TMPRSS11E: variants seen among roughly 807,000 people sequenced by gnomAD.
TMPRSS11E encodes transmembrane serine protease 11E, also known as transmembrane protease serine 11E.
A neutral mutation model predicts 48.1 loss-of-function variants in TMPRSS11E; 38 were observed. That is an observed-to-expected ratio of 0.79 (90% CI 0.61 to 1.04). TMPRSS11E has a LOEUF of 1.04. Ranked by LOEUF, TMPRSS11E falls within the 50% of genes least tolerant of loss-of-function variation. TMPRSS11E has a pLI of 0.00. For missense variants in TMPRSS11E, 530 were observed against 510.8 expected (o/e 1.04, Z -0.36); for synonymous variants, 158 against 171.9 (o/e 0.92, Z 0.63).
At chr4:68,496,533 G>A (rs530319006) in intron 9 of TMPRSS11E, 110 bp from the exon 10 acceptor site, 52 of 1,106,296 alleles carry the variant, frequency 4.7e-5, no homozygotes, top group Non-Finnish European at 6.5e-5. Flanking sequence ...GCGAACACAC[G>A]GAATACTTTT....
intron 5 of TMPRSS11E, among the ~76,000 whole-genome samples, chr4:68,474,228 G>A (rs938049165): frequency 3.3e-5 from 5 of 152,140 alleles, no homozygotes. Flanking sequence ...GTTTTTAACT[G>A]TGAGTGAGTA....
At chr4:68,465,185 G>A (rs1402575818) in intron 2 of TMPRSS11E, among the ~76,000 whole-genome samples, 2 of 152,140 alleles carry the variant, frequency 1.3e-5, no homozygotes, top group Non-Finnish European at 2.9e-5. Flanking sequence ...AAGGATGGAG[G>A]AAGAGTAAAA....
intron 9 of TMPRSS11E, among the ~76,000 whole-genome samples, chr4:68,491,933 T>G (rs1301588417): frequency 6.6e-6 from 1 of 152,244 alleles, no homozygotes; most frequent in Non-Finnish European, 1.5e-5. Flanking sequence ...ACTATAGTTC[T>G]TTCCCAACTT....
At chr4:68,451,350 G>A (rs984967999) in intron 1 of TMPRSS11E, among the ~76,000 whole-genome samples, 9 of 151,824 alleles carry the variant, frequency 5.9e-5, no homozygotes, top group African/African-American at 2.2e-4. Flanking sequence ...AGAGAAGGAA[G>A]GTTTTAAGAG....
Position 68,490,997 on chromosome 4 carries a change from C to A in TMPRSS11E, c.1111-5646C>A, listed in dbSNP as rs560095393. Among the ~76,000 whole-genome samples the A allele has an allele frequency of 3.9e-5, 6 of 151,970 alleles. No homozygotes were observed. In the East Asian group the frequency reaches 1.2e-3, roughly 30 times the overall value. On this transcript the variant is annotated intron_variant, in intron 9 of 9. Coordinates refer to ENST00000305363, the MANE Select transcript of TMPRSS11E (RefSeq NM_014058.4). ...TGGTCTGAAACTCCTGATTTCAGGT[C>A]ATCCACCTGCTTCAGCCTTCCAACG...
intron 3 of TMPRSS11E, among the ~76,000 whole-genome samples, chr4:68,468,606 A>G (rs1208170804): frequency 6.6e-6 from 1 of 151,982 alleles, no homozygotes; most frequent in Admixed American, 6.6e-5. Flanking sequence ...CAGCATGTTC[A>G]TTTTCTTTGG....
chr4:68,467,695 A>T (rs1223328871), intron 3 of TMPRSS11E, among the ~76,000 whole-genome samples: 1 of 152,226 alleles, frequency 6.6e-6, no homozygotes, highest in Non-Finnish European at 1.5e-5. Flanking sequence ...CCCAGTAGAC[A>T]GAAGCCTGGG....
chr4:68,467,930 CAG>C (rs1480660327), intron 3 of TMPRSS11E, among the ~76,000 whole-genome samples: 12 of 152,142 alleles, frequency 7.9e-5, no homozygotes, highest in Admixed American at 7.9e-4. Flanking sequence ...AAAATCCAGA[CAG>C]ATTTAAATCT....
intron 9 of TMPRSS11E, among the ~76,000 whole-genome samples, chr4:68,493,477 G>C (rs142086498): frequency 8.6e-5 from 13 of 151,996 alleles, no homozygotes; most frequent in East Asian, 3.9e-4. Context: ...CATTTTTTTG[G>C]GGGGGAGGGA....
chr4:68,451,241 C>A (rs554421326), intron 1 of TMPRSS11E, among the ~76,000 whole-genome samples: 1 of 151,808 alleles, frequency 6.6e-6, no homozygotes, highest in Non-Finnish European at 1.5e-5. Flanking sequence ...TCTTCAAGTG[C>A]GCTCCTTTGG....
At chr4:68,485,000 G>A (rs1729512180) in intron 9 of TMPRSS11E, among the ~76,000 whole-genome samples, 1 of 152,184 alleles carries the variant, frequency 6.6e-6, no homozygotes, top group African/African-American at 2.4e-5. Context: ...TAACAGTAGT[G>A]AGAGTGCACA....
intron 9 of TMPRSS11E, among the ~76,000 whole-genome samples, chr4:68,489,865 A>G (rs1187071584): frequency 1.3e-5 from 2 of 152,226 alleles, no homozygotes; most frequent in East Asian, 3.9e-4. Context: ...CAAAGGCGAA[A>G]GCCACCTAGA....
chr4:68,461,824 A>G lies in TMPRSS11E; in HGVS notation c.15A>G (p.Pro5=), dbSNP rs769147754. 6.2e-7 allele frequency: 1 copy of G among 1,614,116 alleles called. No homozygotes were observed. Residue 5 remains proline (P), a synonymous_variant, in exon 2 of 10, where the codon CCA becomes CCG. Coordinates refer to ENST00000305363, the MANE Select transcript of TMPRSS11E (RefSeq NM_014058.4). MMYR[P]DVVRARKRVC... is the part of the protein sequence containing the mutation. ...ATCTATTTATTTTCTTCCTTAGGCCAGATGTGGTGAGGGCTAGGAAAAGAG... is the reference window on the plus strand; with the variant it reads ...ATCTATTTATTTTCTTCCTTAGGCCGGATGTGGTGAGGGCTAGGAAAAGAG...
chr4:68,493,874 T>G (rs1458411389), intron 9 of TMPRSS11E, among the ~76,000 whole-genome samples: 1 of 152,176 alleles, frequency 6.6e-6, no homozygotes. Context: ...AAACCACTAA[T>G]AACCTCATAT....
chr4:68,462,066 A>T, intron 2 of TMPRSS11E, 121 bp downstream of exon 2: 1 of 1,258,210 alleles, frequency 7.9e-7, no homozygotes, highest in Non-Finnish European at 1.1e-6. Flanking sequence ...AGCCTGTACA[A>T]AGGGATCTTT....
chr4:68,474,973 G>A lies in TMPRSS11E; in HGVS notation c.529+212G>A, dbSNP rs182676401. The stretch of plus-strand genomic sequence containing the variant: ...TGAGATAACTTTGGAGTGGATGTAT[G>A]GGTGCCTGTGGCAGATGTGTAGTGG... On this transcript the variant is annotated intron_variant, in intron 6 of 9. Transcript: ENST00000305363. Among the ~76,000 whole-genome samples, 6 of 152,222 alleles carry A rather than the reference G, an allele frequency of 3.9e-5. 1 individual carries two copies. The highest frequency in any genetic ancestry group is 1.4e-4 in the African/African-American group (6 of 41,550).
intron 9 of TMPRSS11E, among the ~76,000 whole-genome samples, chr4:68,485,732 T>C (rs931573899): frequency 2.0e-5 from 3 of 152,188 alleles, no homozygotes; most frequent in African/African-American, 7.2e-5. Flanking sequence ...TGGTACCAGC[T>C]CTTCTTTATA....
intron 1 of TMPRSS11E, among the ~76,000 whole-genome samples, chr4:68,455,353 G>A (rs935417356): frequency 2.6e-5 from 4 of 151,852 alleles, no homozygotes; most frequent in South Asian, 2.1e-4. Flanking sequence ...TTAAATTTCC[G>A]CTGATTTTTT....
Position 68,489,183 on chromosome 4 carries a change from T to C in TMPRSS11E, c.1111-7460T>C, listed in dbSNP as rs145834520. Reference sequence around the variant, plus strand: ...TGTGGTTTGATTGTGGTATTAGTTGTGCTTAGTTAATTTCATTCGTTTTTG... The same window carrying C: ...TGTGGTTTGATTGTGGTATTAGTTGCGCTTAGTTAATTTCATTCGTTTTTG... On this transcript the variant is annotated intron_variant, in intron 9 of 9. Transcript: ENST00000305363. Among the ~76,000 whole-genome samples the C allele has an allele frequency of 5.5e-3, 840 of 152,324 alleles. 6 individuals carry two copies. The highest frequency in any genetic ancestry group is 0.019 in the African/African-American group (807 of 41,572).
Sources: allele counts gnomAD v4.1 joint callset (sites outside exome capture counted in the v4.1 genomes callset), GRCh38; gene constraint gnomAD v4.1.1; transcripts MANE v1.5; gene names NCBI Gene and HGNC (gene_info 2026-07-23, HGNC 2026-07-21).